The following GABRG3 variants were observed in gnomAD, a reference collection of about 807,000 sequenced individuals.
GABRG3 encodes gamma-aminobutyric acid type A receptor subunit gamma3.
A neutral mutation model predicts 48.8 loss-of-function variants in GABRG3; 25 were observed. The ratio of observed to expected loss-of-function variants is 0.51; its 90% CI spans 0.37 to 0.72. The LOEUF is 0.72. GABRG3 is among the 30% of genes least tolerant of loss of function. The pLI is 0.00. For missense variants in GABRG3, 394 were observed against 577.9 expected (o/e 0.68, Z 3.26); for synonymous variants, 227 against 217.6 (o/e 1.04, Z -0.38).
chr15:27,106,173 A>G (rs560700048), intron 3 of GABRG3, among the ~76,000 whole-genome samples: 36 of 152,212 alleles, frequency 2.4e-4, no homozygotes, highest in Non-Finnish European at 4.0e-4. Flanking sequence ...CAAAGTAGCA[A>G]TATGTAGGAT....
chr15:27,406,962 C>CTTT (rs1246099027), intron 5 of GABRG3, among the ~76,000 whole-genome samples: 1 of 152,096 alleles, frequency 6.6e-6, no homozygotes, highest in Non-Finnish European at 1.5e-5. Flanking sequence ...GAGTCTGGCT[C>CTTT]TGTCACCCAG....
At chr15:27,113,808 A>T (rs1247732920) in intron 3 of GABRG3, among the ~76,000 whole-genome samples, 1 of 152,224 alleles carries the variant, frequency 6.6e-6, no homozygotes, top group Non-Finnish European at 1.5e-5. Context: ...TTCTATGGGG[A>T]TAAACCTAAG....
chr15:27,166,225 C>G (rs759667315), intron 3 of GABRG3, among the ~76,000 whole-genome samples: 1 of 152,010 alleles, frequency 6.6e-6, no homozygotes, highest in African/African-American at 2.4e-5. Context: ...AGATAATATT[C>G]AGAAATAACA....
At chr15:27,162,819 G>A (rs941862592) in intron 3 of GABRG3, among the ~76,000 whole-genome samples, 3 of 152,244 alleles carry the variant, frequency 2.0e-5, no homozygotes, top group Admixed American at 2.0e-4. Context: ...AAATTAGCTT[G>A]CACACATAAG....
chr15:27,285,105 G>C (rs1472506732), intron 3 of GABRG3, among the ~76,000 whole-genome samples: 1 of 152,102 alleles, frequency 6.6e-6, no homozygotes, highest in Non-Finnish European at 1.5e-5. Context: ...TGTGATGGGT[G>C]TATCTCAGAG....
At chr15:27,216,072 C>T (rs555485119) in intron 3 of GABRG3, among the ~76,000 whole-genome samples, 1 of 152,278 alleles carries the variant, frequency 6.6e-6, no homozygotes, top group South Asian at 2.1e-4. Flanking sequence ...AGATCTCTGC[C>T]TCACTGATGT....
At chr15:27,219,867 G>T (rs530764635) in intron 3 of GABRG3, among the ~76,000 whole-genome samples, 1 of 152,308 alleles carries the variant, frequency 6.6e-6, no homozygotes, top group African/African-American at 2.4e-5. Flanking sequence ...GTCTGTATTT[G>T]CAGGGACTTG....
intron 3 of GABRG3, among the ~76,000 whole-genome samples, chr15:27,170,976 T>C (rs983096548): frequency 1.1e-4 from 16 of 152,184 alleles, no homozygotes; most frequent in Admixed American, 6.5e-4. Flanking sequence ...CCCTTCCAGA[T>C]TGGGCTTTTA....
At chr15:27,144,063 C>G (rs1209248371) in intron 3 of GABRG3, among the ~76,000 whole-genome samples, 1 of 152,188 alleles carries the variant, frequency 6.6e-6, no homozygotes, top group African/African-American at 2.4e-5. Context: ...ATAGTAGAGT[C>G]AGGACCCCCA....
chr15:27,054,167 A>G (rs1031493405), intron 3 of GABRG3, among the ~76,000 whole-genome samples: 1 of 151,856 alleles, frequency 6.6e-6, no homozygotes, highest in Non-Finnish European at 1.5e-5. Context: ...TGAGCCCGGG[A>G]GGCGGAGGTT....
At chr15:27,093,609 T>G (rs1462653986) in intron 3 of GABRG3, among the ~76,000 whole-genome samples, 1 of 152,202 alleles carries the variant, frequency 6.6e-6, no homozygotes. Flanking sequence ...GCTATGATGT[T>G]TTGTTAAAAG....
rs58222645 is a variant in GABRG3, at chr15:27,518,195, C to CAAAAAAAAAAAAA, written c.713-1768_713-1756dup. Among the ~76,000 whole-genome samples the CAAAAAAAAAAAAA allele has an allele frequency of 4.7e-4, 41 of 88,012 alleles. 1 individual carries two copies. The highest frequency in any genetic ancestry group is 1.3e-3 in the African/African-American group (31 of 23,458). The allele number at this position is 88,012 out of a possible 152,430, so 57.7% of individuals were successfully genotyped here. ...TGAAACCCCAACTCTACTAAAAATA[C>CAAAAAAAAAAAAA]AAAAAAAAAAAAAAAAAAAAAGAAT... On this transcript the variant is annotated intron_variant, in intron 6 of 9. Coordinates refer to ENST00000615808, the MANE Select transcript of GABRG3 (RefSeq NM_033223.5).
chr15:27,128,445 A>G (rs944863390), intron 3 of GABRG3, among the ~76,000 whole-genome samples: 1 of 152,186 alleles, frequency 6.6e-6, no homozygotes, highest in Non-Finnish European at 1.5e-5. Context: ...AGTTTTGGGG[A>G]GATCCATTGA....
At chr15:27,181,582 C>T (rs569798084) in intron 3 of GABRG3, among the ~76,000 whole-genome samples, 4 of 152,276 alleles carry the variant, frequency 2.6e-5, no homozygotes, top group East Asian at 1.9e-4. Context: ...ATATGCAAAG[C>T]CATCTGACTC....
At chr15:27,371,504 A>G (rs142508924) in intron 5 of GABRG3, among the ~76,000 whole-genome samples, 1 of 152,314 alleles carries the variant, frequency 6.6e-6, no homozygotes, top group Non-Finnish European at 1.5e-5. Context: ...CTCTCCTTGT[A>G]GTTTGTGGTA....
rs140373260 is a variant in GABRG3, at chr15:27,251,862, C to A, written c.271-74947C>A. Among the ~76,000 whole-genome samples the A allele has an allele frequency of 1.6e-4, 25 of 152,316 alleles. No homozygotes were observed. In the East Asian group the frequency reaches 3.9e-3, roughly 24 times the overall value. Reference sequence around the variant, plus strand: ...TTCTCTGCTGGGTCCTACCCCCTGTCTCTGCCTCTGCCGCCTCTGATAGCC... The same window carrying A: ...TTCTCTGCTGGGTCCTACCCCCTGTATCTGCCTCTGCCGCCTCTGATAGCC... On this transcript the variant is annotated intron_variant, in intron 3 of 9. Transcript: ENST00000615808.
intron 2 of GABRG3, among the ~76,000 whole-genome samples, chr15:26,989,811 C>T (rs185965976): frequency 2.5e-3 from 387 of 152,184 alleles, no homozygotes; most frequent in Non-Finnish European, 4.8e-3. Flanking sequence ...GATAACCATC[C>T]TTCTAGTCTC....
At chr15:27,021,692 A>C (rs1191713737) in intron 2 of GABRG3, among the ~76,000 whole-genome samples, 1 of 152,032 alleles carries the variant, frequency 6.6e-6, no homozygotes, top group Non-Finnish European at 1.5e-5. Flanking sequence ...AAAATTAAAA[A>C]ATTAGCCTGA....
At chr15:26,988,772 A>G (rs1459857179) in intron 2 of GABRG3, among the ~76,000 whole-genome samples, 1 of 151,640 alleles carries the variant, frequency 6.6e-6, no homozygotes, top group African/African-American at 2.4e-5. Flanking sequence ...ACAATTTTAT[A>G]TTGTTATTTT....
Sources: allele counts gnomAD v4.1 joint callset (sites outside exome capture counted in the v4.1 genomes callset), GRCh38; gene constraint gnomAD v4.1.1; transcripts MANE v1.5; gene names NCBI Gene and HGNC (gene_info 2026-07-23, HGNC 2026-07-21).